TMPRSS11F: variants seen among roughly 807,000 people sequenced by gnomAD.
TMPRSS11F encodes transmembrane serine protease 11F.
Under a neutral mutation model 60.2 loss-of-function variants are expected in TMPRSS11F, and 47 were observed. The observed-to-expected ratio is 0.78, with a 90% CI of 0.62 to 1.00. TMPRSS11F has a LOEUF of 1.00. TMPRSS11F is among the 50% of genes least tolerant of loss of function. The pLI is 0.00. For missense variants in TMPRSS11F, 519 were observed against 522.9 expected (o/e 0.99, Z 0.07); for synonymous variants, 166 against 167.3 (o/e 0.99, Z 0.06).
chr4:68,071,390 G>C (rs1352204647), intron 5 of TMPRSS11F, among the ~76,000 whole-genome samples: 1 of 152,110 alleles, frequency 6.6e-6, no homozygotes, highest in Admixed American at 6.5e-5. Flanking sequence ...ATTGGGAAGG[G>C]AGAAGTCTTT....
In TMPRSS11F at chr4:68,090,551, A is replaced by G. The variant is rs777112412; in HGVS notation, c.254T>C (p.Ile85Thr). The G allele has an allele frequency of 6.3e-7, 1 of 1,597,644 alleles. No homozygotes were observed. The highest frequency in any genetic ancestry group is 1.1e-5 in the South Asian group (1 of 89,748). Residue 85 changes from isoleucine (I) to threonine (T), a missense_variant, in exon 3 of 10, where the codon ATA (isoleucine) becomes ACA (threonine). Transcript: ENST00000356291. ...NYGIRSSREF[I>T]ERSHQIERMM... ...TCTTTCAATCTGATGACTCCTTTCT[A>G]TAAACTCTCTTGAAGATCTTATGCC...
chr4:68,098,830 T>C lies in TMPRSS11F; in HGVS notation c.163+57A>G. ...TGTCACTTTTTATACAACAGAAAATTTCAAGATACGAAGTCATGGAGTACT... is the reference window on the plus strand; with the variant it reads ...TGTCACTTTTTATACAACAGAAAATCTCAAGATACGAAGTCATGGAGTACT... On this transcript the variant is annotated intron_variant, in intron 2 of 9. Coordinates refer to ENST00000356291, the MANE Select transcript of TMPRSS11F (RefSeq NM_207407.2). The C allele has an allele frequency of 2.3e-5, 34 of 1,483,660 alleles. No homozygotes were observed. The South Asian group carries it at 4.3e-4, about 19-fold the overall frequency. 91.9% of individuals were successfully genotyped at this position (1,483,660 alleles called of 1,614,324 possible).
intron 1 of TMPRSS11F, among the ~76,000 whole-genome samples, chr4:68,124,235 AC>A (rs1288471505): frequency 2.7e-5 from 4 of 150,434 alleles, no homozygotes; most frequent in Admixed American, 1.3e-4. Flanking sequence ...AAAAAAAAAA[AC>A]AAACCTTTAT....
chr4:68,063,230 A>G, intron 8 of TMPRSS11F: 1 of 580,026 alleles, frequency 1.7e-6, no homozygotes. Flanking sequence ...AGGTAAGTTC[A>G]TGTACTCCAC....
At chr4:68,128,952 G>C (rs1421267304) in intron 1 of TMPRSS11F, among the ~76,000 whole-genome samples, 1 of 152,056 alleles carries the variant, frequency 6.6e-6, no homozygotes, top group Non-Finnish European at 1.5e-5. Context: ...AAGTATTTAG[G>C]TTAATTGAAG....
intron 2 of TMPRSS11F, among the ~76,000 whole-genome samples, chr4:68,093,951 G>T (rs1286288686): frequency 2.7e-5 from 3 of 111,044 alleles, no homozygotes; most frequent in South Asian, 6.4e-4. Context: ...ACTGTTGGTG[G>T]GACTGTAAAC....
chr4:68,066,658 G>T (rs1723334105), intron 7 of TMPRSS11F, among the ~76,000 whole-genome samples: 1 of 152,062 alleles, frequency 6.6e-6, no homozygotes, highest in African/African-American at 2.4e-5. Context: ...AACTTAGGCC[G>T]GGCGCGGTGG....
chr4:68,090,467 T>G, intron 3 of TMPRSS11F, 56 bp downstream of exon 3: 2 of 1,520,854 alleles, frequency 1.3e-6, no homozygotes, highest in South Asian at 2.5e-5. Context: ...AACACCCACA[T>G]TCAAAGTGAT....
chr4:68,122,763 C>T (rs912725485), intron 1 of TMPRSS11F, among the ~76,000 whole-genome samples: 3 of 152,146 alleles, frequency 2.0e-5, no homozygotes, highest in Admixed American at 6.5e-5. Flanking sequence ...AAGGCAATCA[C>T]GAATATAGAA....
At chr4:68,075,865 C>T (rs550796596) in intron 3 of TMPRSS11F, among the ~76,000 whole-genome samples, 48 of 151,832 alleles carry the variant, frequency 3.2e-4, no homozygotes, top group African/African-American at 1.1e-3. Flanking sequence ...TGGTGGTAGG[C>T]GCCTGTAGTC....
intron 2 of TMPRSS11F, among the ~76,000 whole-genome samples, chr4:68,094,488 A>G (rs1278555679): frequency 6.7e-6 from 1 of 149,068 alleles, no homozygotes; most frequent in Admixed American, 6.7e-5. Flanking sequence ...AGCATGGCAC[A>G]TGTATACATA....
intron 2 of TMPRSS11F, among the ~76,000 whole-genome samples, chr4:68,097,592 C>T (rs1724098465): frequency 6.6e-6 from 1 of 151,832 alleles, no homozygotes; most frequent in African/African-American, 2.4e-5. Flanking sequence ...CAGATTCTAA[C>T]AATTAGGACA....
At chr4:68,076,481 C>T (rs1723586031) in intron 3 of TMPRSS11F, among the ~76,000 whole-genome samples, 2 of 152,172 alleles carry the variant, frequency 1.3e-5, no homozygotes, top group Non-Finnish European at 2.9e-5. Flanking sequence ...CAAAATCACT[C>T]CATCGGTTAC....
At chr4:68,063,220 AG>A (rs1723240136) in intron 8 of TMPRSS11F, 1 of 584,980 alleles carries the variant, frequency 1.7e-6, no homozygotes, top group Non-Finnish European at 3.4e-6. Context: ...TTTCTAAAAC[AG>A]GTAAGTTCAT....
intron 2 of TMPRSS11F, among the ~76,000 whole-genome samples, chr4:68,093,166 G>A (rs1431771793): frequency 2.0e-5 from 3 of 152,178 alleles, no homozygotes; most frequent in African/African-American, 7.2e-5. Flanking sequence ...AAATATTTGT[G>A]AGAAATTACT....
At position 68,129,810 on chromosome 4, in the gene TMPRSS11F, G is replaced by A. The variant is rs142296401; in HGVS notation, c.11C>T (p.Ala4Val). The part of the protein sequence containing the change: MMY[A>V]PVEFSEAEFS... ...TTACTGAGAAAAGCTGAATACTTAC[G>A]CGTACATCATGAACCCAGGACTGGG... is the stretch of plus-strand genomic sequence containing the variant. The change falls in exon 1 of 10, where the codon GCA (alanine) becomes GTA (valine). Residue 4 changes from alanine to valine, a missense_variant and splice_region_variant. Coordinates refer to ENST00000356291, the MANE Select transcript of TMPRSS11F (RefSeq NM_207407.2). 239 of 1,612,932 alleles carry A rather than the reference G, an allele frequency of 1.5e-4. No homozygotes were observed. In the African/African-American group the frequency reaches 2.2e-3, roughly 15 times the overall value.
intron 2 of TMPRSS11F, among the ~76,000 whole-genome samples, chr4:68,093,754 A>T (rs370754806): frequency 9.9e-5 from 15 of 151,738 alleles, no homozygotes; most frequent in African/African-American, 1.5e-4. Context: ...GAACAGACAC[A>T]TCTCAAAAGA....
intron 1 of TMPRSS11F, among the ~76,000 whole-genome samples, chr4:68,126,459 C>T (rs1481431193): frequency 6.6e-6 from 1 of 152,176 alleles, no homozygotes; most frequent in East Asian, 1.9e-4. Context: ...CAGCTTTTTA[C>T]TTACTTTCTG....
Position 68,055,139 on chromosome 4 carries a change from A to G in TMPRSS11F, c.1159-1072T>C, listed in dbSNP as rs573277606. On this transcript the variant is annotated intron_variant, in intron 9 of 9. Transcript: ENST00000356291. ...AGGGCCTAAAAAAGGAGGTGGATGTAGAGAGGAGTGTAAGAGGGGCAAATA... is the reference window on the plus strand; with the variant it reads ...AGGGCCTAAAAAAGGAGGTGGATGTGGAGAGGAGTGTAAGAGGGGCAAATA... Among the ~76,000 whole-genome samples, 14 of 152,316 alleles carry G rather than the reference A, an allele frequency of 9.2e-5. No individual in the cohort carries two copies. In the South Asian group the frequency reaches 2.9e-3, roughly 32 times the overall value.
Sources: gnomAD v4.1 joint callset for allele counts (sites outside exome capture counted in the v4.1 genomes callset) on GRCh38, gnomAD v4.1.1 for gene constraint, MANE v1.5 for transcripts, NCBI Gene and HGNC (gene_info 2026-07-23, HGNC 2026-07-21) for gene names.